USP32: variants seen among roughly 807,000 people sequenced by gnomAD.
USP32 encodes the protein ubiquitin specific peptidase 32.
USP32 carries 59 observed loss-of-function variants against 204.8 expected under a neutral mutation model. The observed-to-expected ratio is 0.29, with a 90% CI of 0.23 to 0.36. The LOEUF is 0.36. USP32 is among the 10% of genes least tolerant of loss of function. USP32 has a pLI of 1.00. For missense variants in USP32, 1,160 were observed against 1,946.4 expected (o/e 0.60, Z 7.60); for synonymous variants, 517 against 678.4 (o/e 0.76, Z 3.70).
At position 60,345,599 on chromosome 17, in the gene USP32, A is replaced by C. The variant is rs1159309623; in HGVS notation, c.68T>G (p.Val23Gly). Residue 23 changes from valine to glycine, a missense_variant, in exon 2 of 34, where the codon GTA becomes GGA. This residue lies in a region of USP32 where 536 missense variants were observed against 680.9 expected (regional missense o/e 0.79). Coordinates refer to ENST00000300896, the MANE Select transcript of USP32 (RefSeq NM_032582.4). ...YEEALRRVTD[V>G]ELKRLKDAFK... is the part of the protein sequence containing the mutation. ...AGCATCCTTCAGTCGTTTTAGCTCT[A>C]CATCTGTAACTGCAATTCAGAAACA... The C allele has an allele frequency of 6.2e-7, 1 of 1,614,126 alleles. No homozygotes were observed. The highest frequency in any genetic ancestry group is 1.3e-5 in the African/African-American group (1 of 75,062).
At chr17:60,229,348 T>C (rs1267757559) in intron 12 of USP32, among the ~76,000 whole-genome samples, 1 of 152,218 alleles carries the variant, frequency 6.6e-6, no homozygotes, top group African/African-American at 2.4e-5. Context: ...AAAGGCATTT[T>C]TTCATTTTTA....
At chr17:60,236,363 C>T in intron 11 of USP32, 123 bp from the exon 12 acceptor site, 1 of 663,636 alleles carries the variant, frequency 1.5e-6, no homozygotes, top group Admixed American at 2.8e-5. Context: ...TTAGGAGAGA[C>T]TGCCAAAACC....
intron 12 of USP32, among the ~76,000 whole-genome samples, chr17:60,232,174 T>C (rs1054391137): frequency 3.4e-4 from 48 of 140,766 alleles, no homozygotes; most frequent in South Asian, 9.5e-4. Flanking sequence ...TTTTCTTTTT[T>C]TTTTTTTTTT....
chr17:60,224,269 A>G (rs2085328638), intron 13 of USP32, among the ~76,000 whole-genome samples: 1 of 152,208 alleles, frequency 6.6e-6, no homozygotes, highest in South Asian at 2.1e-4. Context: ...GGGTGTCACA[A>G]GTTATATGGT....
chr17:60,221,131 T>C (rs532584214), intron 15 of USP32, among the ~76,000 whole-genome samples: 36 of 152,134 alleles, frequency 2.4e-4, no homozygotes, highest in Non-Finnish European at 5.0e-4. Flanking sequence ...CAGTGGCTCA[T>C]GCCTGTAATA....
At chr17:60,229,273 A>G (rs1018353604) in intron 12 of USP32, among the ~76,000 whole-genome samples, 1 of 152,064 alleles carries the variant, frequency 6.6e-6, no homozygotes, top group African/African-American at 2.4e-5. Context: ...CTCCTGGAGG[A>G]TCCAAACAAT....
At chr17:60,384,147 T>C (rs192827974) in intron 1 of USP32, among the ~76,000 whole-genome samples, 1 of 152,348 alleles carries the variant, frequency 6.6e-6, no homozygotes, top group African/African-American at 2.4e-5. Flanking sequence ...TTTTTCAGTT[T>C]AGTACTTGTG....
At chr17:60,364,126 G>A (rs1361046673) in intron 1 of USP32, among the ~76,000 whole-genome samples, 1 of 152,138 alleles carries the variant, frequency 6.6e-6, no homozygotes, top group Non-Finnish European at 1.5e-5. Context: ...TCTGGTGAGA[G>A]CCTTTTCCTC....
At chr17:60,254,639 C>G (rs1194850861) in intron 10 of USP32, among the ~76,000 whole-genome samples, 1 of 152,152 alleles carries the variant, frequency 6.6e-6, no homozygotes, top group African/African-American at 2.4e-5. Context: ...GTCAAGGCTG[C>G]AGTGAGCCAT....
At chr17:60,252,583 T>G in intron 10 of USP32, 141 bp from the exon 11 acceptor site, 1 of 598,874 alleles carries the variant, frequency 1.7e-6, no homozygotes, top group Non-Finnish European at 2.8e-6. Flanking sequence ...TTGAGCAAAT[T>G]TTAACTTTAG....
rs1349076048 is a variant in USP32 at position 60,392,073 on chromosome 17, G to A, written c.-134C>T. 1 of 974,594 alleles carries A rather than the reference G, an allele frequency of 1.0e-6. No homozygotes were observed. The highest frequency in any genetic ancestry group is 2.1e-5 in the African/African-American group (1 of 47,366). 60.4% of individuals were successfully genotyped at this position (974,594 alleles called of 1,614,324 possible). A position where few individuals can be genotyped will look rare whatever the true frequency, so the allele number is the denominator to read the frequency against. On this transcript the variant is annotated 5_prime_UTR_variant, in exon 1 of 34. Transcript: ENST00000300896. ...CCCCCACCTCCCCCCACACTAACAA[G>A]TGCGGCTTCTGCCCCGGCGGCTCCT...
intron 1 of USP32, among the ~76,000 whole-genome samples, chr17:60,417,980 C>T (rs534593514): frequency 9.6e-5 from 12 of 124,408 alleles, no homozygotes; most frequent in African/African-American, 3.6e-4. Context: ...TTTTTTGAGA[C>T]GGAGTTTCAC....
chr17:60,253,111 A>AGAG (rs11268466), intron 10 of USP32, among the ~76,000 whole-genome samples: 4 of 151,830 alleles, frequency 2.6e-5, no homozygotes, highest in African/African-American at 9.7e-5. Context: ...TTTATTCATT[A>AGAG]TCACAAAAAT....
Position 60,179,083 on chromosome 17 carries a change from G to T in USP32, c.*172C>A. ...CTTGTATGAGACTTCAAAATAAAAT[G>T]ATTACTACTCTTAAAGTTAACTATT... On this transcript the variant is annotated 3_prime_UTR_variant, in exon 34 of 34. Transcript: ENST00000300896. The T allele has an allele frequency of 6.7e-6, 5 of 751,556 alleles. No individual in the cohort carries two copies. The highest frequency in any genetic ancestry group is 3.6e-5 in the African/African-American group (2 of 56,246). 46.6% of individuals were successfully genotyped at this position (751,556 alleles called of 1,614,324 possible). A position where few individuals can be genotyped will look rare whatever the true frequency, so the allele number is the denominator to read the frequency against.
At chr17:60,377,147 TG>T (rs1376598806) in intron 1 of USP32, among the ~76,000 whole-genome samples, 1 of 152,100 alleles carries the variant, frequency 6.6e-6, no homozygotes, top group Non-Finnish European at 1.5e-5. Context: ...TCTGAGAACC[TG>T]CCTCCAGAAA....
chr17:60,349,626 A>ATATATATATATATATAT lies in USP32; in HGVS notation c.59-4035_59-4019dup, dbSNP rs1175950810. 3.0e-4 allele frequency among the ~76,000 whole-genome samples: 23 copies of ATATATATATATATATAT among 76,264 alleles called. 1 individual carries two copies. The highest frequency in any genetic ancestry group is 6.1e-3 in the Middle Eastern group (1 of 164). 50.0% of individuals were successfully genotyped at this position (76,264 alleles called of 152,430 possible). On this transcript the variant is annotated intron_variant, in intron 1 of 33. Coordinates refer to ENST00000300896, the MANE Select transcript of USP32 (RefSeq NM_032582.4). ...ATATATATATATATATATATATATT[A>ATATATATATATATATAT]TATATATATATATATATTATATATA... is the stretch of plus-strand genomic sequence containing the variant.
At chr17:60,275,439 A>G (rs1443549283) in intron 5 of USP32, among the ~76,000 whole-genome samples, 1 of 152,186 alleles carries the variant, frequency 6.6e-6, no homozygotes, top group Non-Finnish European at 1.5e-5. Flanking sequence ...CCTAGACAAC[A>G]GAGCAAGACT....
chr17:60,313,642 GA>G (rs1277729842), intron 2 of USP32, among the ~76,000 whole-genome samples: 5 of 152,008 alleles, frequency 3.3e-5, no homozygotes, highest in African/African-American at 1.2e-4. Context: ...CAGTCAAGCA[GA>G]AGAGACACCT....
At chr17:60,369,287 C>T (rs1057509039) in intron 1 of USP32, among the ~76,000 whole-genome samples, 1 of 138,336 alleles carries the variant, frequency 7.2e-6, no homozygotes, top group African/African-American at 3.4e-5. Context: ...AGCCACCGCG[C>T]CCGGCCAAAA....
Sources: gnomAD v4.1 joint callset for allele counts (sites outside exome capture counted in the v4.1 genomes callset) on GRCh38, gnomAD v4.1.1 for gene constraint, gnomAD v4.1.1 regional missense constraint, MANE v1.5 for transcripts, NCBI Gene and HGNC (gene_info 2026-07-23, HGNC 2026-07-21) for gene names.